Variants in WDFY4 observed in about 807,000 individuals in gnomAD.
WDFY4 encodes the protein WDFY family member 4, also known as WD repeat- and FYVE domain-containing protein 4.
In WDFY4, 169 loss-of-function variants were observed where a neutral mutation model predicts 351.9. The observed-to-expected ratio is 0.48, with a 90% confidence interval of 0.42 to 0.55. WDFY4 has a LOEUF of 0.55. Ranked by LOEUF, WDFY4 falls within the 20% of genes least tolerant of loss-of-function variation. WDFY4 has a pLI of 0.00. For missense variants in WDFY4, 3,803 were observed against 3,935.6 expected, an observed-to-expected ratio of 0.97 and a Z score of 0.90; for synonymous variants, 1,622 against 1,574.6, an observed-to-expected ratio of 1.03 and a Z score of -0.71.
At position 48,743,284 on chromosome 10, in the gene WDFY4, G is replaced by A. The variant is rs771860003; in HGVS notation, c.2195G>A (p.Arg732His). ...CTGGAGGAAGAGGGCAACCTGCTGC[G>A]CTCTTGGGTGGACACAAAGGCCAGG... The part of the protein sequence containing the change: ...GALEEEGNLL[R>H]SWVDTKARPF... The change falls in exon 12 of 62, where the codon CGC becomes CAC. Residue 732 changes from arginine to histidine, a missense_variant. Coordinates refer to ENST00000325239, the MANE Select transcript of WDFY4 (RefSeq NM_001394531.1). 33 of 1,551,560 alleles carry A rather than the reference G, an allele frequency of 2.1e-5. No individual in the cohort carries two copies. The highest frequency in any genetic ancestry group is 1.7e-4 in the Middle Eastern group (1 of 6,014).
chr10:48,938,446 A>G (rs1336112606), intron 47 of WDFY4, among the ~76,000 whole-genome samples: 1 of 152,208 alleles, frequency 6.6e-6, no homozygotes, highest in Non-Finnish European at 1.5e-5. Context: ...CTAACCCACC[A>G]TATCTGGAGG....
chr10:48,711,614 T>G (rs993909852), intron 2 of WDFY4, among the ~76,000 whole-genome samples: 2 of 152,224 alleles, frequency 1.3e-5, no homozygotes, highest in Non-Finnish European at 2.9e-5. Context: ...ACCTCCCTGA[T>G]GTTTATTTGA....
intron 9 of WDFY4, 81 bp downstream of exon 9, chr10:48,731,643 C>A: frequency 7.0e-7 from 1 of 1,425,184 alleles, no homozygotes; most frequent in Non-Finnish European, 9.3e-7. Context: ...GGCTGCCCAT[C>A]AAATGCAACA....
chr10:48,745,129 T>G (rs2064969650), intron 12 of WDFY4, among the ~76,000 whole-genome samples: 2 of 152,230 alleles, frequency 1.3e-5, no homozygotes, highest in African/African-American at 2.4e-5. Flanking sequence ...ATTTGTAAGT[T>G]TTATTTTCAG....
intron 4 of WDFY4, among the ~76,000 whole-genome samples, chr10:48,722,187 C>T (rs894873383): frequency 1.3e-5 from 2 of 152,244 alleles, no homozygotes; most frequent in African/African-American, 4.8e-5. Flanking sequence ...TGGTACATGA[C>T]CTGGGAAGTT....
In WDFY4 at chr10:48,943,433, C is replaced by T. The variant is rs1454237262; in HGVS notation, c.7733C>T (p.Ala2578Val). Reference sequence around the variant, plus strand: ...TACCCAGTGTTCCCCTGGGTCCTCGCAGACTACACCTCAGAGGTAAGTTCC... The same window carrying T: ...TACCCAGTGTTCCCCTGGGTCCTCGTAGACTACACCTCAGAGGTAAGTTCC... ...MQYPVFPWVL[A>V]DYTSETLNLA... The change falls in exon 49 of 62, where the codon GCA becomes GTA. Residue 2578 changes from alanine to valine, a missense_variant. This residue lies in a region of WDFY4 where 3,054 missense variants were observed against 3,148.6 expected (regional missense o/e 0.97). Coordinates refer to ENST00000325239, the MANE Select transcript of WDFY4 (RefSeq NM_001394531.1). 1.3e-6 allele frequency: 2 copies of T among 1,551,874 alleles called. No homozygotes were observed. The highest frequency in any genetic ancestry group is 3.9e-5 in the Admixed American group (2 of 50,996).
intron 53 of WDFY4, among the ~76,000 whole-genome samples, chr10:48,963,184 G>A (rs1742190877): frequency 6.6e-6 from 1 of 152,182 alleles, no homozygotes; most frequent in Non-Finnish European, 1.5e-5. Flanking sequence ...GGTGTTCATG[G>A]GAGGAAACAA....
At chr10:48,782,325 C>G (rs1437378560) in intron 19 of WDFY4, among the ~76,000 whole-genome samples, 1 of 152,224 alleles carries the variant, frequency 6.6e-6, no homozygotes, top group African/African-American at 2.4e-5. Flanking sequence ...TGAGGCATGT[C>G]TTATTGATGT....
At position 48,801,471 on chromosome 10, in the gene WDFY4, A is replaced by G. The variant is rs144303841; in HGVS notation, c.4411-1815A>G. On this transcript the variant is annotated intron_variant, in intron 24 of 61. Coordinates refer to ENST00000325239, the MANE Select transcript of WDFY4 (RefSeq NM_001394531.1). ...TGAATGACTGCCTTCATGAATCAAT[A>G]TCCTAAGTGTGCAGGGCTCTTGGAG... 8.6e-4 allele frequency: 392 copies of G among 455,652 alleles called. 1 individual carries two copies. The highest frequency in any genetic ancestry group is 6.6e-3 in the African/African-American group (331 of 50,178). The allele number at this position is 455,652 out of a possible 1,614,324, so 28.2% of individuals were successfully genotyped here.
chr10:48,694,610 C>A (rs1187681437), intron 1 of WDFY4, among the ~76,000 whole-genome samples: 3 of 152,164 alleles, frequency 2.0e-5, no homozygotes, highest in African/African-American at 7.2e-5. Context: ...CACAGTGATT[C>A]CCAGGACCGC....
intron 13 of WDFY4, among the ~76,000 whole-genome samples, chr10:48,773,759 T>G (rs2065941442): frequency 6.6e-6 from 1 of 152,178 alleles, no homozygotes; most frequent in Non-Finnish European, 1.5e-5. Flanking sequence ...CCCCAGAGAC[T>G]TTAGTTGGCC....
At chr10:48,836,179 T>A (rs1364097721) in intron 39 of WDFY4, among the ~76,000 whole-genome samples, 1 of 152,250 alleles carries the variant, frequency 6.6e-6, no homozygotes, top group Non-Finnish European at 1.5e-5. Context: ...TTTTTAAAAA[T>A]TAATTTTGAT....
At chr10:48,946,991 TACACACACACAC>T (rs57927796) in intron 51 of WDFY4, 22 bp downstream of exon 51, 8 of 1,100,288 alleles carry the variant, frequency 7.3e-6, no homozygotes, top group African/African-American at 1.6e-5. Context: ...CCACTCTCTG[TACACACACACAC>T]ACACACACAC....
At chr10:48,978,157 C>G (rs1207082994) in intron 59 of WDFY4, among the ~76,000 whole-genome samples, 152 bp from the exon 60 acceptor site, 1 of 152,192 alleles carries the variant, frequency 6.6e-6, no homozygotes, top group Non-Finnish European at 1.5e-5. Context: ...TAACCTTTTA[C>G]CTGATGATAA....
intron 43 of WDFY4, among the ~76,000 whole-genome samples, chr10:48,883,391 T>TGTGTGTGG (rs1052494535): frequency 2.7e-5 from 4 of 149,580 alleles, no homozygotes; most frequent in Admixed American, 2.0e-4. Flanking sequence ...GTGCAAGGGG[T>TGTGTGTGG]GTGTGTGTGT....
intron 3 of WDFY4, 103 bp downstream of exon 3, chr10:48,720,228 A>G: frequency 8.4e-7 from 1 of 1,187,710 alleles, no homozygotes; most frequent in Non-Finnish European, 1.2e-6. Flanking sequence ...GTGGAGCTAC[A>G]GTGTTGCCTG....
rs1408658365 is a variant in WDFY4, at chr10:48,830,841, C to G, written c.6482C>G (p.Pro2161Arg). The change falls in exon 38 of 62, where the codon CCG becomes CGG. Residue 2161 changes from proline (P) to arginine (R), a missense_variant. Pro to Arg is a moderately radical substitution (Grantham distance 103, BLOSUM62 -2). Transcript: ENST00000325239. The part of the protein sequence containing the change: ...EREVKIEEVT[P>R]LWEETMLKAW... ...GAAGTGAAGATTGAAGAGGTCACAC[C>G]GCTCTGGGAGGAGACGATGCTCAAG... 1 of 1,551,454 alleles carries G rather than the reference C, an allele frequency of 6.4e-7. No homozygotes were observed. Among genetic ancestry groups the G allele is most frequent in the African/African-American group, 1.4e-5 (1 of 72,992 alleles).
At chr10:48,967,111 C>CT in intron 55 of WDFY4, 1 of 156,246 alleles carries the variant, frequency 6.4e-6, no homozygotes, top group South Asian at 2.0e-4. Context: ...CTAAGCAGGG[C>CT]AGGGGACTAA....
intron 48 of WDFY4, among the ~76,000 whole-genome samples, chr10:48,943,106 T>C (rs567116732): frequency 5.7e-4 from 87 of 152,306 alleles, no homozygotes; most frequent in Non-Finnish European, 1.0e-3. Context: ...CATTGGGTTT[T>C]TTTTTTTTCC....
Sources: allele counts gnomAD v4.1 joint callset (sites outside exome capture counted in the v4.1 genomes callset), GRCh38; gene constraint gnomAD v4.1.1; regional missense constraint gnomAD v4.1.1; transcripts MANE v1.5; gene names NCBI Gene and HGNC (gene_info 2026-07-23, HGNC 2026-07-21).